ADGRL2: variants seen among roughly 807,000 people sequenced by gnomAD.
The protein encoded by ADGRL2 is adhesion G protein-coupled receptor L2.
A neutral mutation model predicts 157.4 loss-of-function variants in ADGRL2; 44 were observed. The observed-to-expected ratio is 0.28, with a 90% CI of 0.22 to 0.36. The LOEUF (loss-of-function observed/expected upper bound fraction) is 0.36, where lower values mean the gene tolerates loss of function less well. ADGRL2 is among the 10% of genes least tolerant of loss of function. The pLI, the probability that ADGRL2 is intolerant of heterozygous loss-of-function variation, is 1.00. For synonymous variants in ADGRL2, 585 were observed against 624.7 expected (o/e 0.94, Z 0.95); for missense variants, 1,510 against 1,768.9 (o/e 0.85, Z 2.63).
Position 81,342,773 on chromosome 1 carries a change from G to GA in ADGRL2, c.-302+36270dup, listed in dbSNP as rs202055639. On this transcript the variant is annotated intron_variant, in intron 1 of 24. Coordinates refer to the ADGRL2 transcript ENST00000370721. ...AATATTATTTCCACACCTTATAGGT[G>GA]AAAAAATCAAGACTCATAAATTTAG... Among the ~76,000 whole-genome samples the GA allele has an allele frequency of 5.8e-3, 875 of 152,086 alleles. 11 individuals are homozygous for GA. The highest frequency in any genetic ancestry group is 0.02 in the African/African-American group (821 of 41,506).
chr1:81,666,140 G>T (rs1343146099), intron 3 of ADGRL2, among the ~76,000 whole-genome samples: 1 of 152,116 alleles, frequency 6.6e-6, no homozygotes, highest in Non-Finnish European at 1.5e-5. Flanking sequence ...CTCAAGGAAA[G>T]GAAATGCTAC....
intron 2 of ADGRL2, among the ~76,000 whole-genome samples, chr1:81,781,089 C>CT (rs1228328564): frequency 6.6e-6 from 1 of 152,118 alleles, no homozygotes; most frequent in Non-Finnish European, 1.5e-5. Context: ...TCTTTTCCTC[C>CT]TCCCTCTGTC....
intron 13 of ADGRL2, among the ~76,000 whole-genome samples, chr1:81,967,419 G>T (rs2148631): frequency 2.0e-5 from 3 of 151,760 alleles, no homozygotes; most frequent in Non-Finnish European, 4.4e-5. Context: ...CCTCCACCAC[G>T]CCTGGCTAAT....
At chr1:81,591,313 C>G (rs1288981532) in intron 3 of ADGRL2, among the ~76,000 whole-genome samples, 1 of 152,082 alleles carries the variant, frequency 6.6e-6, no homozygotes, top group East Asian at 1.9e-4. Context: ...GGTACTACTC[C>G]TTTTTTTCAG....
intron 3 of ADGRL2, among the ~76,000 whole-genome samples, chr1:81,630,573 C>A (rs1367507172): frequency 6.6e-6 from 1 of 152,094 alleles, no homozygotes; most frequent in Admixed American, 6.6e-5. Context: ...ATATGACCTT[C>A]GAGTTTCTTT....
rs11805208 is a variant in ADGRL2 at position 81,596,485 on chromosome 1, T to C, written c.-143+15505T>C. 1.4e-3 allele frequency: 615 copies of C among 444,744 alleles called. 3 individuals carry two copies. The highest frequency in any genetic ancestry group is 0.011 in the African/African-American group (541 of 49,452). The allele number at this position is 444,744 out of a possible 1,614,324, so 27.5% of individuals were successfully genotyped here. On this transcript the variant is annotated intron_variant, in intron 3 of 24. Transcript: ENST00000370721. ...GTCACCTCCGGCTCCAAGGGTGTTT[T>C]TCCTGTATCCTTAAAAGCCATGGCT...
chr1:81,876,472 AT>A (rs2093844447), intron 2 of ADGRL2, among the ~76,000 whole-genome samples: 1 of 152,168 alleles, frequency 6.6e-6, no homozygotes, highest in African/African-American at 2.4e-5. Context: ...CATATGTGCT[AT>A]AAAATTACTT....
chr1:81,934,118 G>A (rs1447150077), intron 3 of ADGRL2, among the ~76,000 whole-genome samples: 1 of 151,952 alleles, frequency 6.6e-6, no homozygotes, highest in Non-Finnish European at 1.5e-5. Flanking sequence ...GAATTAATAC[G>A]TTTTGCTGTC....
At chr1:81,881,847 A>G (rs958185273) in intron 2 of ADGRL2, among the ~76,000 whole-genome samples, 2 of 152,140 alleles carry the variant, frequency 1.3e-5, no homozygotes, top group African/African-American at 4.8e-5. Context: ...CTTTCCCTAA[A>G]TGTTCCTAAG....
chr1:81,474,214 G>GA (rs1261919618), intron 2 of ADGRL2, among the ~76,000 whole-genome samples: 1 of 152,210 alleles, frequency 6.6e-6, no homozygotes, highest in African/African-American at 2.4e-5. Flanking sequence ...AAAAATACTA[G>GA]AAAACCTATG....
chr1:81,721,563 C>T (rs77364612), intron 1 of ADGRL2: 40,230 of 493,034 alleles, frequency 0.082, 1,895 homozygotes, highest in Non-Finnish European at 0.096. Context: ...CAGGACCAGC[C>T]TAGGCAACAT....
intron 2 of ADGRL2, among the ~76,000 whole-genome samples, chr1:81,492,801 C>T (rs188197352): frequency 2.3e-4 from 35 of 152,206 alleles, no homozygotes; most frequent in Non-Finnish European, 3.8e-4. Flanking sequence ...TTACTACTGA[C>T]GTCAATCAGA....
chr1:81,504,112 C>T (rs573197797), intron 2 of ADGRL2, among the ~76,000 whole-genome samples: 326 of 152,322 alleles, frequency 2.1e-3, no homozygotes, highest in Non-Finnish European at 3.6e-3. Flanking sequence ...GGGCCAGGGC[C>T]CACAGGGCAT....
intron 1 of ADGRL2, among the ~76,000 whole-genome samples, chr1:81,409,314 A>G (rs1439745347): frequency 6.6e-6 from 1 of 152,214 alleles, no homozygotes; most frequent in Non-Finnish European, 1.5e-5. Flanking sequence ...TGTACCAGTT[A>G]GCAGCCCTAA....
chr1:81,309,976 A>G (rs922989003), intron 1 of ADGRL2, among the ~76,000 whole-genome samples: 1 of 152,184 alleles, frequency 6.6e-6, no homozygotes, highest in Non-Finnish European at 1.5e-5. Context: ...ACAACTGTTC[A>G]CATCAGAAAA....
intron 4 of ADGRL2, among the ~76,000 whole-genome samples, chr1:81,940,127 A>T (rs1647337380): frequency 6.6e-6 from 1 of 151,568 alleles, no homozygotes; most frequent in Non-Finnish European, 1.5e-5. Flanking sequence ...AATGGAAAGC[A>T]AAATACACTT....
At chr1:81,694,942 A>G (rs2083412994), upstream of ADGRL2, among the ~76,000 whole-genome samples, 1 of 152,152 alleles carries the variant, frequency 6.6e-6, no homozygotes, top group African/African-American at 2.4e-5. Flanking sequence ...AGTATGTGTT[A>G]TACTCTCCAT....
intron 3 of ADGRL2, among the ~76,000 whole-genome samples, chr1:81,651,958 C>T (rs1048957862): frequency 3.3e-5 from 5 of 152,056 alleles, no homozygotes; most frequent in African/African-American, 4.8e-5. Flanking sequence ...CCTCACACCT[C>T]GGCCTCCCAA....
At chr1:81,586,711 C>T (rs1470939195) in intron 3 of ADGRL2, among the ~76,000 whole-genome samples, 3 of 152,122 alleles carry the variant, frequency 2.0e-5, no homozygotes, top group Admixed American at 6.6e-5. Context: ...AATTGGCATT[C>T]AGAGTGAGTA....
Sources: gnomAD v4.1 joint callset for allele counts (sites outside exome capture counted in the v4.1 genomes callset) on GRCh38, gnomAD v4.1.1 for gene constraint, MANE v1.5 for transcripts, NCBI Gene and HGNC (gene_info 2026-07-23, HGNC 2026-07-21) for gene names.